The following AKAP9 variants were observed in gnomAD, a reference collection of about 807,000 sequenced individuals.
AKAP9 encodes the protein A-kinase anchoring protein 9, also known as A-kinase anchor protein 9.
Under a neutral mutation model 488.5 loss-of-function variants are expected in AKAP9, and 311 were observed. That is an observed-to-expected ratio of 0.64 (90% confidence interval 0.58 to 0.70). AKAP9 has a LOEUF of 0.70. Ranked by LOEUF, AKAP9 falls within the 30% of genes least tolerant of loss-of-function variation. The pLI is 0.00. For synonymous variants in AKAP9, 1,462 were observed against 1,483.5 expected (o/e 0.99, Z 0.33); for missense variants, 4,215 against 4,374.5 (o/e 0.96, Z 1.03).
intron 1 of AKAP9, among the ~76,000 whole-genome samples, chr7:91,971,560 C>CTTTTTTTTTTT (rs71107844): frequency 3.4e-4 from 23 of 68,558 alleles, no homozygotes; most frequent in Admixed American, 4.3e-4. Flanking sequence ...ACATCTATTT[C>CTTTTTTTTTTT]TTTTTTTTTT....
At chr7:92,023,095 T>G in intron 14 of AKAP9, 86 bp downstream of exon 14, 1 of 1,416,086 alleles carries the variant, frequency 7.1e-7, no homozygotes, top group Non-Finnish European at 1.0e-6. Context: ...TTTAAAAAAG[T>G]AACTTAAGCA....
chr7:91,975,589 A>G (rs1795565041), intron 2 of AKAP9, among the ~76,000 whole-genome samples: 1 of 152,106 alleles, frequency 6.6e-6, no homozygotes. Flanking sequence ...GAAATGTTCA[A>G]CTTCTTCCTT....
At chr7:91,977,827 T>C (rs969486082) in intron 2 of AKAP9, among the ~76,000 whole-genome samples, 1 of 152,236 alleles carries the variant, frequency 6.6e-6, no homozygotes, top group South Asian at 2.1e-4. Context: ...TTCTATAGTT[T>C]TAGCATTTTG....
chr7:92,035,737 A>G (rs1805086314), intron 16 of AKAP9, among the ~76,000 whole-genome samples: 1 of 151,782 alleles, frequency 6.6e-6, no homozygotes, highest in Non-Finnish European at 1.5e-5. Flanking sequence ...GCCATTGTTT[A>G]CTCTTCAGAA....
intron 14 of AKAP9, among the ~76,000 whole-genome samples, chr7:92,026,396 G>A (rs1200522074): frequency 6.6e-6 from 1 of 152,026 alleles, no homozygotes; most frequent in Non-Finnish European, 1.5e-5. Flanking sequence ...CTGTACTGCC[G>A]TGATCTCGGC....
intron 17 of AKAP9, 23 bp downstream of exon 17, chr7:92,038,795 A>G: frequency 6.6e-7 from 1 of 1,505,844 alleles, no homozygotes. Flanking sequence ...CCTTGAATAT[A>G]AAAAACTTAT....
intron 1 of AKAP9, among the ~76,000 whole-genome samples, chr7:91,953,166 T>C (rs765005604): frequency 1.3e-5 from 2 of 152,086 alleles, no homozygotes; most frequent in African/African-American, 2.4e-5. Flanking sequence ...ATTTAGAAGG[T>C]AAAATCAGCA....
At chr7:92,107,606 G>A (rs544439719) in intron 48 of AKAP9, 184 bp downstream of exon 48, 8 of 600,980 alleles carry the variant, frequency 1.3e-5, no homozygotes, top group Non-Finnish European at 2.3e-5. Context: ...GGAGGCTGAG[G>A]CGGGCAGATC....
chr7:92,053,246 C>T (rs761587375), intron 22 of AKAP9, among the ~76,000 whole-genome samples: 7 of 152,144 alleles, frequency 4.6e-5, no homozygotes, highest in Non-Finnish European at 8.8e-5. Context: ...ATGAAAACAA[C>T]TGTTAATACT....
At chr7:92,007,757 ATAT>A (rs1800117866) in intron 8 of AKAP9, among the ~76,000 whole-genome samples, 1 of 152,224 alleles carries the variant, frequency 6.6e-6, no homozygotes, top group South Asian at 2.1e-4. Flanking sequence ...AGAGTCAATA[ATAT>A]TTTTGAAAAA....
At chr7:91,991,591 C>G (rs1273672326) in intron 3 of AKAP9, among the ~76,000 whole-genome samples, 1 of 151,992 alleles carries the variant, frequency 6.6e-6, no homozygotes, top group Non-Finnish European at 1.5e-5. Flanking sequence ...CCTGCCTCAG[C>G]CTCCCAAGTA....
At chr7:92,022,400 T>C in intron 13 of AKAP9, 48 bp downstream of exon 13, 2 of 1,322,748 alleles carry the variant, frequency 1.5e-6, no homozygotes, top group Non-Finnish European at 2.2e-6. Context: ...TAGCAAATAT[T>C]GAGTAATTTG....
intron 1 of AKAP9, among the ~76,000 whole-genome samples, chr7:91,965,655 A>G (rs1259030143): frequency 2.0e-5 from 3 of 152,224 alleles, no homozygotes; most frequent in African/African-American, 7.2e-5. Flanking sequence ...TTAACAGTAT[A>G]CAAGGGCTCT....
intron 17 of AKAP9, among the ~76,000 whole-genome samples, chr7:92,039,011 T>C (rs1020494280): frequency 6.6e-6 from 1 of 152,180 alleles, no homozygotes; most frequent in Non-Finnish European, 1.5e-5. Context: ...GTTCAGGCGA[T>C]TCTCCTGCCT....
intron 28 of AKAP9, among the ~76,000 whole-genome samples, chr7:92,074,050 C>T (rs1812161023): frequency 6.6e-6 from 1 of 152,156 alleles, no homozygotes; most frequent in South Asian, 2.1e-4. Context: ...AGCTTCTGCA[C>T]AGCAAAAGAA....
chr7:91,954,925 T>C (rs1431342445), intron 1 of AKAP9, among the ~76,000 whole-genome samples: 4 of 152,218 alleles, frequency 2.6e-5, no homozygotes, highest in Non-Finnish European at 5.9e-5. Flanking sequence ...ATTGACTATG[T>C]TGGATACAAA....
At chr7:92,035,050 C>G (rs1364670296) in intron 16 of AKAP9, among the ~76,000 whole-genome samples, 1 of 152,070 alleles carries the variant, frequency 6.6e-6, no homozygotes, top group African/African-American at 2.4e-5. Flanking sequence ...AATTTCTTTT[C>G]TAATGTATGC....
In AKAP9 at chr7:92,098,307, C is replaced by G; in HGVS notation, c.10713+93C>G. 4.3e-6 allele frequency: 3 copies of G among 700,490 alleles called. No individual in the cohort carries two copies. The South Asian group carries it at 5.2e-5, about 12-fold the overall frequency. The allele number at this position is 700,490 out of a possible 1,614,324, so 43.4% of individuals were successfully genotyped here. On this transcript the variant is annotated intron_variant, in intron 43 of 49. Coordinates refer to ENST00000356239, the MANE Select transcript of AKAP9 (RefSeq NM_005751.5). ...AAACTTGCAGCATATTCTTTATACT[C>G]TTTATAGAGTTTTATTTGTATCTTT...
chr7:92,010,063 A>G (rs192615696), intron 8 of AKAP9, among the ~76,000 whole-genome samples: 2 of 152,064 alleles, frequency 1.3e-5, no homozygotes, highest in Admixed American at 1.3e-4. Context: ...TTTTTAAAAC[A>G]TTTTTTTACA....
Sources: allele counts gnomAD v4.1 joint callset (sites outside exome capture counted in the v4.1 genomes callset), GRCh38; gene constraint gnomAD v4.1.1; transcripts MANE v1.5; gene names NCBI Gene and HGNC (gene_info 2026-07-23, HGNC 2026-07-21).